The following PCDHA9 variants were observed in gnomAD, a reference collection of about 807,000 sequenced individuals.
PCDHA9 encodes protocadherin alpha-9.
A neutral mutation model predicts 62.0 loss-of-function variants in PCDHA9; 62 were observed. The ratio of observed to expected loss-of-function variants is 1.00; its 90% CI spans 0.81 to 1.23. The LOEUF is 1.23. Ranked by LOEUF, PCDHA9 falls within the 50% of genes most tolerant of loss-of-function variation. The pLI is 0.00. For missense variants in PCDHA9, 1,205 were observed against 1,249.8 expected (o/e 0.96, Z 0.54); for synonymous variants, 557 against 567.6 (o/e 0.98, Z 0.27).
chr5:140,891,591 A>T (rs782194139), intron 1 of PCDHA9, among the ~76,000 whole-genome samples: 1 of 152,092 alleles, frequency 6.6e-6, no homozygotes, highest in Non-Finnish European at 1.5e-5. Flanking sequence ...TTATTACTCT[A>T]TCCCATCTAT....
At chr5:140,977,126 T>C (rs782356713) in intron 1 of PCDHA9, among the ~76,000 whole-genome samples, 27 of 152,240 alleles carry the variant, frequency 1.8e-4, no homozygotes, top group Admixed American at 4.6e-4. Context: ...GAACTGAGTT[T>C]CCTGGTCAGT....
chr5:140,883,668 A>G (rs782191858), intron 1 of PCDHA9: 16 of 1,613,456 alleles, frequency 9.9e-6, no homozygotes, highest in Non-Finnish European at 1.4e-5. Flanking sequence ...GTGAAGGAAA[A>G]CAATCCGCCG....
chr5:140,998,781 C>G (rs1554256464), intron 3 of PCDHA9, among the ~76,000 whole-genome samples: 1 of 152,162 alleles, frequency 6.6e-6, no homozygotes, highest in East Asian at 1.9e-4. Context: ...TCAGGCTGGT[C>G]TGGAACCCCT....
rs1464673358 is a variant in PCDHA9 at position 140,894,228 on chromosome 5, A to T, written c.2394+43339A>T. 2.6e-5 allele frequency among the ~76,000 whole-genome samples: 4 copies of T among 152,088 alleles called. No homozygotes were observed. In the South Asian group the frequency reaches 8.3e-4, roughly 31 times the overall value. ...TTATATTCTCATTTTAAAGATGTTG[A>T]ATGACAATGTAATTTTCTTTTCTTT... is the stretch of plus-strand genomic sequence containing the variant. On this transcript the variant is annotated intron_variant, in intron 1 of 3. Transcript: ENST00000532602.
chr5:140,961,965 C>T (rs1292120191), intron 1 of PCDHA9, among the ~76,000 whole-genome samples: 9 of 151,536 alleles, frequency 5.9e-5, no homozygotes, highest in Non-Finnish European at 8.8e-5. Context: ...CTCACTGCAA[C>T]CTCCGCCTCC....
chr5:141,001,069 C>T (rs1422093659), intron 3 of PCDHA9, among the ~76,000 whole-genome samples: 15 of 152,106 alleles, frequency 9.9e-5, no homozygotes, highest in African/African-American at 3.1e-4. Flanking sequence ...AAATTAAATA[C>T]ATGCAAAATA....
intron 1 of PCDHA9, chr5:140,857,079 A>C: frequency 6.3e-7 from 1 of 1,597,252 alleles, no homozygotes; most frequent in African/African-American, 1.3e-5. Flanking sequence ...GATGAAAATG[A>C]TAATTCACCT....
At chr5:140,915,826 T>G (rs1432367192) in intron 1 of PCDHA9, among the ~76,000 whole-genome samples, 1 of 152,134 alleles carries the variant, frequency 6.6e-6, no homozygotes, top group Non-Finnish European at 1.5e-5. Context: ...GCCCTAGGGC[T>G]CTAAGATCAG....
chr5:140,947,100 T>C (rs782585215), intron 1 of PCDHA9, among the ~76,000 whole-genome samples: 16 of 151,438 alleles, frequency 1.1e-4, no homozygotes, highest in Non-Finnish European at 2.1e-4. Context: ...AGCCCATAAA[T>C]AGGTACGTGT....
chr5:140,984,359 T>A (rs1372089743), intron 3 of PCDHA9, among the ~76,000 whole-genome samples: 1 of 152,242 alleles, frequency 6.6e-6, no homozygotes, highest in Non-Finnish European at 1.5e-5. Flanking sequence ...ATTTCATACA[T>A]CTGGCCAAGT....
chr5:140,877,501 A>G lies in PCDHA9; in HGVS notation c.2394+26612A>G, dbSNP rs2057165784. On this transcript the variant is annotated intron_variant, in intron 1 of 3. Coordinates refer to ENST00000532602, the MANE Select transcript of PCDHA9 (RefSeq NM_031857.2). ...GCTGGTGGAGAACGGCCAGGCCCCA[A>G]AGACGTCGTCGCGGGCCTCAGTGGG... 3.1e-6 allele frequency: 5 copies of G among 1,613,804 alleles called. No homozygotes were observed. In the East Asian group the frequency reaches 1.1e-4, roughly 36 times the overall value.
rs571391051 is a variant in PCDHA9 at position 140,964,645 on chromosome 5, A to G, written c.2395-14304A>G. Among the ~76,000 whole-genome samples the G allele has an allele frequency of 4.6e-5, 7 of 152,152 alleles. No individual in the cohort carries two copies. The East Asian group carries it at 7.7e-4, about 17-fold the overall frequency. ...TATAAGCCATTTATTTTCAGAAACA[A>G]GTAATGGGTGAGGACACAGGCCAGG... is the stretch of plus-strand genomic sequence containing the variant. On this transcript the variant is annotated intron_variant, in intron 1 of 3. Coordinates refer to ENST00000532602, the MANE Select transcript of PCDHA9 (RefSeq NM_031857.2).
intron 1 of PCDHA9, among the ~76,000 whole-genome samples, chr5:140,891,452 T>C (rs1554184844): frequency 6.7e-6 from 1 of 150,254 alleles, no homozygotes; most frequent in African/African-American, 2.4e-5. Flanking sequence ...ATAGGATTTT[T>C]GAATTTGTGA....
chr5:141,006,224 T>A (rs1265190589), intron 3 of PCDHA9, among the ~76,000 whole-genome samples: 1 of 152,072 alleles, frequency 6.6e-6, no homozygotes, highest in African/African-American at 2.4e-5. Flanking sequence ...TTAAATTTTT[T>A]ATTTTTAGAT....
At position 141,010,065 on chromosome 5, in the gene PCDHA9, A is replaced by G; in HGVS notation, c.*128A>G. The stretch of plus-strand genomic sequence containing the variant: ...CTTAGAGACCTCAGAAATCTGCAGA[A>G]AGTTCCCTGTGTCTGTCTAGAACGC... On this transcript the variant is annotated 3_prime_UTR_variant, in exon 4 of 4. Coordinates refer to ENST00000532602, the MANE Select transcript of PCDHA9 (RefSeq NM_031857.2). The G allele has an allele frequency of 1.9e-6, 3 of 1,603,546 alleles. No homozygotes were observed. The highest frequency in any genetic ancestry group is 1.1e-5 in the South Asian group (1 of 89,360).
intron 1 of PCDHA9, chr5:140,877,047 C>A (rs372059660): frequency 3.3e-5 from 53 of 1,612,564 alleles, no homozygotes; most frequent in Non-Finnish European, 4.3e-5. Flanking sequence ...CGCTAGACCA[C>A]GAGGAGCTGG....
At chr5:140,896,318 C>T (rs1036368074) in intron 1 of PCDHA9, among the ~76,000 whole-genome samples, 8 of 152,150 alleles carry the variant, frequency 5.3e-5, no homozygotes, top group African/African-American at 1.9e-4. Flanking sequence ...AACTGCTTTC[C>T]ACAGTGGCTA....
chr5:140,868,449 C>T (rs1323009325), intron 1 of PCDHA9: 1 of 152,158 alleles, frequency 6.6e-6, no homozygotes, highest in Non-Finnish European at 1.5e-5. Context: ...GGAACATAAA[C>T]ACTAAAGAGC....
chr5:140,968,876 A>G (rs782240993), intron 1 of PCDHA9: 51 of 1,614,112 alleles, frequency 3.2e-5, no homozygotes, highest in Non-Finnish European at 4.1e-5. Context: ...ATACTCTGAA[A>G]TTACCCTTTA....
Sources: gnomAD v4.1 joint callset for allele counts (sites outside exome capture counted in the v4.1 genomes callset) on GRCh38, gnomAD v4.1.1 for gene constraint, MANE v1.5 for transcripts, NCBI Gene and HGNC (gene_info 2026-07-23, HGNC 2026-07-21) for gene names.